Variants in SEPTIN10 observed in about 807,000 individuals in gnomAD.
SEPTIN10 encodes the protein septin 10.
A neutral mutation model predicts 54.8 loss-of-function variants in SEPTIN10; 66 were observed. The observed-to-expected ratio is 1.21, with a 90% CI of 0.99 to 1.48. SEPTIN10 has a LOEUF of 1.48. SEPTIN10 is among the 40% of genes most tolerant of loss of function. The probability of loss-of-function intolerance (pLI) is 0.00; values close to 1 mark genes in which losing one functional copy is unlikely to be tolerated. For missense variants in SEPTIN10, 620 were observed against 545.6 expected, an observed-to-expected ratio of 1.14 and a Z score of -1.36; for synonymous variants, 161 against 181.0, an observed-to-expected ratio of 0.89 and a Z score of 0.89.
chr2:109,597,924 T>C, intron 1 of SEPTIN10, among the ~76,000 whole-genome samples: 1 of 152,194 alleles, frequency 6.6e-6, no homozygotes, highest in Admixed American at 6.6e-5. Flanking sequence ...CTTCTGATGC[T>C]TCTTTTCCAA....
chr2:109,565,652 C>T (rs1346653351), intron 7 of SEPTIN10, 111 bp downstream of exon 7: 6 of 954,188 alleles, frequency 6.3e-6, no homozygotes, highest in Admixed American at 1.8e-5. Flanking sequence ...CAGCCAATTC[C>T]TCTGACAACC....
intron 5 of SEPTIN10, among the ~76,000 whole-genome samples, chr2:109,573,526 A>T (rs1688862097): frequency 6.6e-6 from 1 of 152,230 alleles, no homozygotes; most frequent in South Asian, 2.1e-4. Context: ...CAGGGGACCA[A>T]GCAACTAGTC....
chr2:109,582,110 A>ACACACACACT (rs1428735597), intron 4 of SEPTIN10, among the ~76,000 whole-genome samples: 7 of 134,856 alleles, frequency 5.2e-5, no homozygotes, highest in Non-Finnish European at 1.1e-4. Context: ...ACACACACAC[A>ACACACACACT]CACTCACTCT....
intron 1 of SEPTIN10, chr2:109,613,520 G>A (rs776743532): frequency 2.4e-4 from 57 of 236,162 alleles, no homozygotes; most frequent in Admixed American, 6.7e-4. Context: ...TGTAACTTTT[G>A]GCAAAGACCG....
chr2:109,604,249 C>T (rs1273789119), intron 1 of SEPTIN10, among the ~76,000 whole-genome samples: 1 of 146,926 alleles, frequency 6.8e-6, no homozygotes, highest in African/African-American at 2.5e-5. Context: ...GAGGCTGAGA[C>T]AGGAGAATTG....
chr2:109,608,260 T>C (rs1485030795), intron 1 of SEPTIN10, among the ~76,000 whole-genome samples: 1 of 152,238 alleles, frequency 6.6e-6, no homozygotes, highest in Non-Finnish European at 1.5e-5. Flanking sequence ...CATGAGAGAC[T>C]GGGATACAGT....
At chr2:109,604,654 G>T (rs1333964523) in intron 1 of SEPTIN10, among the ~76,000 whole-genome samples, 1 of 151,208 alleles carries the variant, frequency 6.6e-6, no homozygotes. Context: ...ATGAACCGGG[G>T]AGGCGGAGCT....
intron 8 of SEPTIN10, among the ~76,000 whole-genome samples, chr2:109,553,918 T>C (rs1683740115): frequency 6.6e-6 from 1 of 151,752 alleles, no homozygotes; most frequent in Non-Finnish European, 1.5e-5. Flanking sequence ...ATGCCATCAA[T>C]AGGTTCTTGA....
chr2:109,559,805 A>C (rs1685198366), intron 8 of SEPTIN10, among the ~76,000 whole-genome samples: 1 of 151,906 alleles, frequency 6.6e-6, no homozygotes. Context: ...CAATGGTTTC[A>C]GTTCATTCAT....
chr2:109,611,454 T>G (rs1699234478), intron 1 of SEPTIN10, among the ~76,000 whole-genome samples: 1 of 151,722 alleles, frequency 6.6e-6, no homozygotes, highest in Non-Finnish European at 1.5e-5. Flanking sequence ...GAATCTAGTA[T>G]ACCTAAAAAA....
intron 4 of SEPTIN10, among the ~76,000 whole-genome samples, chr2:109,580,100 G>A (rs536276570): frequency 8.6e-5 from 13 of 151,874 alleles, no homozygotes; most frequent in Admixed American, 2.6e-4. Context: ...CAGCCTGGGC[G>A]ACAAGAGTGA....
chr2:109,588,050 G>C (rs1692997200), intron 2 of SEPTIN10, among the ~76,000 whole-genome samples: 1 of 151,954 alleles, frequency 6.6e-6, no homozygotes, highest in African/African-American at 2.4e-5. Context: ...TACAGATGTT[G>C]CTTAAGAAAC....
chr2:109,568,525 C>G (rs1225204834), intron 5 of SEPTIN10, among the ~76,000 whole-genome samples: 1 of 152,048 alleles, frequency 6.6e-6, no homozygotes, highest in African/African-American at 2.4e-5. Flanking sequence ...GCACCTCAAT[C>G]AATGCTTTCA....
At chr2:109,557,010 G>A (rs1314388262) in intron 8 of SEPTIN10, among the ~76,000 whole-genome samples, 3 of 151,966 alleles carry the variant, frequency 2.0e-5, no homozygotes, top group South Asian at 2.1e-4. Flanking sequence ...ATCACACACC[G>A]GAGCCTGTTG....
At chr2:109,562,563 C>T (rs1685954001) in intron 8 of SEPTIN10, among the ~76,000 whole-genome samples, 1 of 152,120 alleles carries the variant, frequency 6.6e-6, no homozygotes, top group Non-Finnish European at 1.5e-5. Flanking sequence ...TAGGCTTCAT[C>T]CCTGGAAATT....
rs1680531286 is a variant in SEPTIN10, at chr2:109,544,016, G to A, written c.*293C>T. The A allele has an allele frequency of 7.9e-6, 6 of 763,312 alleles. No individual in the cohort carries two copies. In the Admixed American group the frequency reaches 1.2e-4, roughly 15 times the overall value. 47.3% of individuals were successfully genotyped at this position (763,312 alleles called of 1,614,324 possible). On this transcript the variant is annotated 3_prime_UTR_variant, in exon 11 of 11. Transcript: ENST00000397712. ...GAACCATCAGAAAGCAAAGGTGTCG[G>A]GTGGGGAATTTTCCACTTGTGGGGT...
chr2:109,572,374 T>C (rs1688606693), intron 5 of SEPTIN10, among the ~76,000 whole-genome samples: 1 of 152,040 alleles, frequency 6.6e-6, no homozygotes, highest in African/African-American at 2.4e-5. Context: ...ACCTTGTGAC[T>C]TGCCCGCCTC....
intron 2 of SEPTIN10, among the ~76,000 whole-genome samples, chr2:109,586,909 G>A (rs1692689484): frequency 6.6e-6 from 1 of 152,130 alleles, no homozygotes; most frequent in African/African-American, 2.4e-5. Context: ...TTAATTGCCT[G>A]TTAGAACAAA....
At chr2:109,600,752 C>A (rs1696430359) in intron 1 of SEPTIN10, among the ~76,000 whole-genome samples, 1 of 152,126 alleles carries the variant, frequency 6.6e-6, no homozygotes, top group African/African-American at 2.4e-5. Context: ...AAGACTCTGC[C>A]CCATTCCCAC....
Sources: allele counts gnomAD v4.1 joint callset (sites outside exome capture counted in the v4.1 genomes callset), GRCh38; gene constraint gnomAD v4.1.1; transcripts MANE v1.5; gene names NCBI Gene and HGNC (gene_info 2026-07-23, HGNC 2026-07-21).